Variants in OVCH1 observed in about 807,000 individuals in gnomAD.
OVCH1 encodes ovochymase 1.
In OVCH1, 139 loss-of-function variants were observed where a neutral mutation model predicts 138.4. The observed-to-expected ratio is 1.00, with a 90% CI of 0.87 to 1.16. OVCH1 has a LOEUF of 1.16. OVCH1 is among the 50% of genes most tolerant of loss of function. The probability of loss-of-function intolerance (pLI) is 0.00; values close to 1 mark genes in which losing one functional copy is unlikely to be tolerated. For synonymous variants in OVCH1, 453 were observed against 467.8 expected (o/e 0.97, Z 0.41); for missense variants, 1,367 against 1,357.9 (o/e 1.01, Z -0.11).
rs757884424 is a variant in OVCH1 at position 29,478,850 on chromosome 12, T to C, written c.1054A>G (p.Ser352Gly). The change falls in exon 9 of 28, where the codon AGT becomes GGT. Residue 352 changes from serine to glycine, a missense_variant. Ser to Gly is a moderately conservative substitution (Grantham distance 56). Transcript: ENST00000318184. ...ACATACTTACTAAAAAGCACTCCAC[T>C]GCTTGATCGTAAAGATACATAGTCA... 90 of 1,590,382 alleles carry C rather than the reference T, an allele frequency of 5.7e-5. No homozygotes were observed. Among genetic ancestry groups the C allele is most frequent in the Middle Eastern group, 1.7e-4 (1 of 6,032 alleles).
chr12:29,472,887 G>T, intron 15 of OVCH1, 142 bp downstream of exon 15: 2 of 664,422 alleles, frequency 3.0e-6, no homozygotes, highest in South Asian at 2.3e-5. Context: ...TATGACTCTG[G>T]ACGTTTTATG....
intron 15 of OVCH1, 38 bp from the exon 16 acceptor site, chr12:29,472,020 A>C (rs370536510): frequency 5.1e-6 from 8 of 1,558,022 alleles, no homozygotes; most frequent in Non-Finnish European, 6.1e-6. Context: ...ATAAGGTTGC[A>C]GTAATTTAGA....
intron 25 of OVCH1, chr12:29,440,538 C>CT: frequency 3.2e-6 from 1 of 311,202 alleles, no homozygotes; most frequent in Non-Finnish European, 6.3e-6. Flanking sequence ...AGCTTGGTTT[C>CT]TTAGTATTGA....
At chr12:29,416,776 A>G (rs139087529) in intron 3 of OVCH1, among the ~76,000 whole-genome samples, 1 of 152,218 alleles carries the variant, frequency 6.6e-6, no homozygotes, top group Admixed American at 6.5e-5. Flanking sequence ...TGCAATTTCC[A>G]TATAACCCAG....
chr12:29,455,347 CCA>C lies in OVCH1; in HGVS notation c.2337_2338del (p.Tyr779Ter). On this transcript the variant is annotated stop_gained and frameshift_variant, in exon 20 of 28. Transcript: ENST00000318184. LOFTEE classifies it high-confidence loss of function. ...ACAGCCAGCTCCCCAGCTGACAATGCCATAGAGGACAAAGGGACCATTTTCAT... is the reference window on the plus strand; with the variant it reads ...ACAGCCAGCTCCCCAGCTGACAATGCTAGAGGACAAAGGGACCATTTTCAT... 2 of 1,613,840 alleles carry C rather than the reference CCA, an allele frequency of 1.2e-6. No homozygotes were observed. Among genetic ancestry groups the C allele is most frequent in the Non-Finnish European group, 1.7e-6 (2 of 1,179,782 alleles).
intron 25 of OVCH1, among the ~76,000 whole-genome samples, chr12:29,443,063 C>T (rs1157533579): frequency 2.0e-5 from 3 of 151,928 alleles, no homozygotes; most frequent in Non-Finnish European, 2.9e-5. Flanking sequence ...TCTTAATTTT[C>T]TTGTGTTTTT....
intron 4 of OVCH1, among the ~76,000 whole-genome samples, chr12:29,491,933 C>T (rs181656932): frequency 1.4e-4 from 21 of 152,124 alleles, no homozygotes; most frequent in East Asian, 5.8e-4. Flanking sequence ...TAGATCTCAA[C>T]GAATGAACAG....
At chr12:29,422,409 CAA>C (rs1476757800) in intron 3 of OVCH1, among the ~76,000 whole-genome samples, 1 of 152,120 alleles carries the variant, frequency 6.6e-6, no homozygotes, top group East Asian at 1.9e-4. Flanking sequence ...TTAAAAAAGA[CAA>C]AGTGATGTCA....
At chr12:29,497,655 A>C in exon 1 of OVCH1, 1 of 1,613,988 alleles carries the variant, frequency 6.2e-7, no homozygotes, top group Non-Finnish European at 8.5e-7. Context: ...GACCAGCAAC[A>C]GCAACAAACC....
intron 18 of OVCH1, 44 bp from the exon 19 acceptor site, chr12:29,462,052 A>G: frequency 6.3e-7 from 1 of 1,584,280 alleles, no homozygotes; most frequent in Non-Finnish European, 8.6e-7. Flanking sequence ...TGAAGTAAGC[A>G]GAAAGTGTTG....
At chr12:29,445,288 C>G (rs1263193282) in exon 23 of OVCH1, 1 of 1,610,384 alleles carries the variant, frequency 6.2e-7, no homozygotes, top group East Asian at 2.2e-5. Flanking sequence ...CTAGGACTTT[C>G]AAGACAATAT....
At chr12:29,480,758 A>G (rs1942903505) in intron 8 of OVCH1, among the ~76,000 whole-genome samples, 1 of 152,040 alleles carries the variant, frequency 6.6e-6, no homozygotes, top group Non-Finnish European at 1.5e-5. Flanking sequence ...GGGACTGTGT[A>G]ACTCTCTCCT....
chr12:29,413,792 T>G (rs1221125388), intron 3 of OVCH1, among the ~76,000 whole-genome samples: 1 of 152,226 alleles, frequency 6.6e-6, no homozygotes, highest in Non-Finnish European at 1.5e-5. Context: ...CAATGATTTG[T>G]TCTTTTATTT....
intron 25 of OVCH1, chr12:29,439,570 CCT>C: frequency 8.8e-7 from 1 of 1,130,132 alleles, no homozygotes; most frequent in Non-Finnish European, 1.2e-6. Flanking sequence ...CGGTACTTTA[CCT>C]CTCACACCAG....
chr12:29,425,549 G>A (rs973118706), downstream of OVCH1, among the ~76,000 whole-genome samples: 5 of 152,124 alleles, frequency 3.3e-5, no homozygotes, highest in African/African-American at 1.2e-4. Flanking sequence ...TTAGAATAGT[G>A]GCCAAGAACA....
chr12:29,477,422 T>C lies in OVCH1; in HGVS notation c.1165A>G (p.Met389Val), dbSNP rs750174733. The change falls in exon 11 of 28, where the codon ATG becomes GTG. Residue 389 changes from methionine (M) to valine (V), a missense_variant. Met to Val is a conservative substitution (Grantham distance 21). Coordinates refer to ENST00000318184, the Ensembl canonical transcript of OVCH1. ...TCTGTATCAGAAACAAATGGAACCA[T>C]GGCCTCACTGGTCTCTGCCAGCAAT... The C allele has an allele frequency of 1.2e-5, 19 of 1,613,878 alleles. No homozygotes were observed. The East Asian group carries it at 3.6e-4, about 30-fold the overall frequency.
intron 21 of OVCH1, 95 bp from the exon 22 acceptor site, chr12:29,451,664 G>A (rs1000497874): frequency 2.1e-6 from 2 of 959,612 alleles, no homozygotes; most frequent in African/African-American, 3.3e-5. Flanking sequence ...AGGCTTGCAA[G>A]GAGAAAATTA....
chr12:29,474,134 C>T (rs1262671936), intron 14 of OVCH1, among the ~76,000 whole-genome samples: 1 of 151,690 alleles, frequency 6.6e-6, no homozygotes, highest in Admixed American at 6.6e-5. Flanking sequence ...TAAGAGAACC[C>T]TGACTAATAC....
intron 19 of OVCH1, 106 bp from the exon 20 acceptor site, chr12:29,455,511 T>G (rs1158174108): frequency 1.6e-5 from 20 of 1,264,754 alleles, no homozygotes; most frequent in Non-Finnish European, 1.9e-5. Context: ...ATGTGTTTAA[T>G]TCCTTAAAGA....
Sources: allele counts gnomAD v4.1 joint callset (sites outside exome capture counted in the v4.1 genomes callset), GRCh38; gene constraint gnomAD v4.1.1; transcripts MANE v1.5; gene names NCBI Gene and HGNC (gene_info 2026-07-23, HGNC 2026-07-21).